The following SHANK2 variants were observed in gnomAD, a reference collection of about 807,000 sequenced individuals.
The protein encoded by SHANK2 is SH3 and multiple ankyrin repeat domains 2.
In SHANK2, 43 loss-of-function variants were observed where a neutral mutation model predicts 133.7. The ratio of observed to expected loss-of-function variants is 0.32; its 90% CI spans 0.25 to 0.41. The LOEUF (loss-of-function observed/expected upper bound fraction) is 0.41. Among genes scored for constraint, SHANK2 ranks in the 10% least tolerant of loss-of-function variants. SHANK2 has a pLI of 1.00. For missense variants in SHANK2, 1,994 were observed against 2,235.8 expected (o/e 0.89, Z 2.18); for synonymous variants, 1,017 against 952.8 (o/e 1.07, Z -1.24).
intron 11 of SHANK2, among the ~76,000 whole-genome samples, chr11:70,844,044 G>T (rs1555062484): frequency 6.6e-6 from 1 of 152,082 alleles, no homozygotes; most frequent in Non-Finnish European, 1.5e-5. Context: ...ACCATCCCCT[G>T]TCCCATCTGA....
intron 17 of SHANK2, among the ~76,000 whole-genome samples, chr11:70,594,659 G>A (rs2060373460): frequency 6.6e-6 from 1 of 152,194 alleles, no homozygotes; most frequent in South Asian, 2.1e-4. Flanking sequence ...CTAAGGTGAG[G>A]AAAATGACTG....
At chr11:70,681,467 G>A (rs1291153983) in intron 15 of SHANK2, among the ~76,000 whole-genome samples, 1 of 152,094 alleles carries the variant, frequency 6.6e-6, no homozygotes, top group Non-Finnish European at 1.5e-5. Context: ...GCCCCCTGGG[G>A]TATCTCCTCA....
At chr11:70,723,299 GTCTCTCTCTC>G (rs57815500) in intron 14 of SHANK2, among the ~76,000 whole-genome samples, 4 of 145,832 alleles carry the variant, frequency 2.7e-5, no homozygotes, top group East Asian at 4.0e-4. Flanking sequence ...TGGAGGGTCT[GTCTCTCTCTC>G]TCTCTCTCTC....
chr11:70,638,629 T>A (rs1240088608), intron 17 of SHANK2, among the ~76,000 whole-genome samples: 2 of 152,196 alleles, frequency 1.3e-5, no homozygotes, highest in Admixed American at 6.5e-5. Flanking sequence ...GCATTTCTTG[T>A]ACAATAATAA....
At chr11:70,674,177 T>C (rs1222134446) in intron 15 of SHANK2, among the ~76,000 whole-genome samples, 6 of 152,186 alleles carry the variant, frequency 3.9e-5, no homozygotes, top group African/African-American at 1.4e-4. Flanking sequence ...GAGTGGAAGC[T>C]TCCTGAAGCT....
chr11:70,955,489 A>G (rs1950907961), intron 10 of SHANK2, among the ~76,000 whole-genome samples: 1 of 151,962 alleles, frequency 6.6e-6, no homozygotes, highest in South Asian at 2.1e-4. Flanking sequence ...AAATACATAT[A>G]TATTTACACA....
chr11:70,885,340 G>A (rs1187879125), intron 11 of SHANK2, among the ~76,000 whole-genome samples: 6 of 152,226 alleles, frequency 3.9e-5, no homozygotes, highest in African/African-American at 1.4e-4. Flanking sequence ...CAAAGAGCTG[G>A]GAGAAGCTCA....
At chr11:71,058,654 C>T (rs1357379050) in intron 9 of SHANK2, among the ~76,000 whole-genome samples, 4 of 152,358 alleles carry the variant, frequency 2.6e-5, no homozygotes, top group Non-Finnish European at 4.4e-5. Flanking sequence ...AGGTCACAGC[C>T]GAAGCCTGTA....
intron 13 of SHANK2, 103 bp downstream of exon 13, chr11:70,806,899 C>A: frequency 1.6e-6 from 1 of 617,732 alleles, no homozygotes; most frequent in Non-Finnish European, 2.9e-6. Context: ...CCCGTGTTTT[C>A]CATGGAGAAG....
At chr11:70,565,895 T>C (rs1473139700) in intron 17 of SHANK2, among the ~76,000 whole-genome samples, 1 of 152,132 alleles carries the variant, frequency 6.6e-6, no homozygotes, top group Non-Finnish European at 1.5e-5. Context: ...CATAAAGCAA[T>C]GTAAAGAGTA....
At chr11:70,917,548 C>CAT (rs2135747453) in intron 10 of SHANK2, among the ~76,000 whole-genome samples, 1 of 152,288 alleles carries the variant, frequency 6.6e-6, no homozygotes, top group East Asian at 1.9e-4. Context: ...TATAAAGATA[C>CAT]ATGCACACGT....
At chr11:71,127,600 T>C (rs1373156714) in intron 3 of SHANK2, among the ~76,000 whole-genome samples, 1 of 152,232 alleles carries the variant, frequency 6.6e-6, no homozygotes, top group Non-Finnish European at 1.5e-5. Flanking sequence ...CCACTGAAGA[T>C]GCAGGTGATT....
chr11:70,481,990 G>GC (rs2058739913), intron 25 of SHANK2, among the ~76,000 whole-genome samples: 1 of 152,196 alleles, frequency 6.6e-6, no homozygotes, highest in Non-Finnish European at 1.5e-5. Context: ...GGTTCTGACT[G>GC]CCCCCCACTT....
rs976640679 is a variant in SHANK2, at chr11:71,073,628, C to T, written c.1029+1531G>A. On this transcript the variant is annotated intron_variant, in intron 9 of 25. Transcript: ENST00000601538. ...GACCACAGGCACATGCCACCATACCCGGCTGATTTTTAAAATTTTGTAGAG... is the reference window on the plus strand; with the variant it reads ...GACCACAGGCACATGCCACCATACCTGGCTGATTTTTAAAATTTTGTAGAG... 1.6e-4 allele frequency among the ~76,000 whole-genome samples: 24 copies of T among 152,172 alleles called. No individual in the cohort carries two copies. The Middle Eastern group carries it at 0.017, about 108-fold the overall frequency.
At chr11:71,146,290 CA>C (rs1414067657) in intron 3 of SHANK2, among the ~76,000 whole-genome samples, 2 of 128,808 alleles carry the variant, frequency 1.6e-5, no homozygotes, top group African/African-American at 5.9e-5. Context: ...TGGATTCAGG[CA>C]AAAGATGAAG....
At chr11:70,713,206 G>A (rs1644900940) in intron 14 of SHANK2, among the ~76,000 whole-genome samples, 2 of 152,244 alleles carry the variant, frequency 1.3e-5, no homozygotes, top group Non-Finnish European at 2.9e-5. Flanking sequence ...AGGGGCCAAG[G>A]AAGCAGGTGC....
intron 17 of SHANK2, among the ~76,000 whole-genome samples, chr11:70,532,184 C>A (rs1264785241): frequency 6.6e-6 from 1 of 152,168 alleles, no homozygotes; most frequent in Non-Finnish European, 1.5e-5. Context: ...CCTGTGGCAG[C>A]AGCTGTTCTC....
intron 17 of SHANK2, among the ~76,000 whole-genome samples, chr11:70,642,970 A>G (rs1591693733): frequency 6.6e-6 from 1 of 152,238 alleles, no homozygotes; most frequent in Non-Finnish European, 1.5e-5. Flanking sequence ...AAAGAAATAC[A>G]TGTTGGAGGT....
intron 12 of SHANK2, among the ~76,000 whole-genome samples, chr11:70,810,614 C>T (rs1024181903): frequency 6.6e-6 from 1 of 152,276 alleles, no homozygotes; most frequent in African/African-American, 2.4e-5. Flanking sequence ...CGGCCTGAAC[C>T]TCCCGTCACT....
Sources: allele counts gnomAD v4.1 joint callset (sites outside exome capture counted in the v4.1 genomes callset), GRCh38; gene constraint gnomAD v4.1.1; transcripts MANE v1.5; gene names NCBI Gene and HGNC (gene_info 2026-07-23, HGNC 2026-07-21).